The following ARL6IP6 variants were observed in gnomAD, a reference collection of about 807,000 sequenced individuals.
ARL6IP6 encodes the protein ADP-ribosylation factor-like protein 6-interacting protein 6.
ARL6IP6 carries 22 observed loss-of-function variants against 21.5 expected under a neutral mutation model. The ratio of observed to expected loss-of-function variants is 1.02; its 90% CI spans 0.73 to 1.46. The LOEUF is 1.46. Among genes scored for constraint, ARL6IP6 ranks in the 40% most tolerant of loss-of-function variants. ARL6IP6 has a pLI of 0.00. For missense variants in ARL6IP6, 388 were observed against 299.8 expected, an observed-to-expected ratio of 1.29 and a Z score of -2.17; for synonymous variants, 164 against 125.3, an observed-to-expected ratio of 1.31 and a Z score of -2.06.
chr2:152,733,882 C>T (rs1465181222), intron 2 of ARL6IP6, among the ~76,000 whole-genome samples: 1 of 152,176 alleles, frequency 6.6e-6, no homozygotes, highest in African/African-American at 2.4e-5. Flanking sequence ...TTTTGCTCAT[C>T]CCTATATCCC....
intron 1 of ARL6IP6, 151 bp from the exon 2 acceptor site, chr2:152,720,382 T>A (rs184298581): frequency 5.6e-6 from 4 of 713,478 alleles, no homozygotes; most frequent in African/African-American, 3.5e-5. Flanking sequence ...TTGCTGAAGG[T>A]CACATAGCTG....
At chr2:152,732,582 T>C (rs1248050480) in intron 2 of ARL6IP6, 2 of 450,392 alleles carry the variant, frequency 4.4e-6, no homozygotes, top group Admixed American at 5.2e-5. Context: ...GTTGCAAAGG[T>C]ATGTTTTATT....
chr2:152,756,146 G>T (rs1701583360), intron 3 of ARL6IP6, among the ~76,000 whole-genome samples: 1 of 152,044 alleles, frequency 6.6e-6, no homozygotes, highest in African/African-American at 2.4e-5. Flanking sequence ...CTAAGAATCT[G>T]TTGCTTAATT....
At chr2:152,743,948 T>G in intron 3 of ARL6IP6, among the ~76,000 whole-genome samples, 1 of 152,132 alleles carries the variant, frequency 6.6e-6, no homozygotes, top group East Asian at 1.9e-4. Context: ...ATTGTAGTTT[T>G]TGGAGCATGT....
intron 3 of ARL6IP6, among the ~76,000 whole-genome samples, chr2:152,753,138 C>CA (rs557672257): frequency 1.2e-4 from 18 of 146,378 alleles, no homozygotes; most frequent in African/African-American, 1.3e-4. Context: ...GACCCTGTCT[C>CA]AAAAAAAAAA....
chr2:152,748,389 T>C (rs188046035), intron 3 of ARL6IP6, among the ~76,000 whole-genome samples: 1 of 152,244 alleles, frequency 6.6e-6, no homozygotes, highest in Non-Finnish European at 1.5e-5. Flanking sequence ...TTGTTTTGTT[T>C]TGTTTTCCAA....
chr2:152,753,821 C>T (rs1255894237), intron 3 of ARL6IP6, among the ~76,000 whole-genome samples: 1 of 151,368 alleles, frequency 6.6e-6, no homozygotes, highest in Admixed American at 6.6e-5. Context: ...CTCAGCCTCA[C>T]GAGTAGCTGG....
At chr2:152,720,480 C>G (rs1699733368) in intron 1 of ARL6IP6, 53 bp from the exon 2 acceptor site, 1 of 1,565,450 alleles carries the variant, frequency 6.4e-7, no homozygotes, top group East Asian at 2.2e-5. Context: ...CCTTGAGTTA[C>G]TTTTCAAATT....
chr2:152,736,850 G>A (rs1414709170), intron 3 of ARL6IP6, among the ~76,000 whole-genome samples: 8 of 152,156 alleles, frequency 5.3e-5, no homozygotes, highest in Non-Finnish European at 1.2e-4. Context: ...TTAAAGTATA[G>A]GGGAGGATGT....
chr2:152,755,524 A>G (rs534581302), intron 3 of ARL6IP6, among the ~76,000 whole-genome samples: 1 of 152,276 alleles, frequency 6.6e-6, no homozygotes, highest in East Asian at 1.9e-4. Flanking sequence ...TGAAAGTACT[A>G]AAAGTCTCTG....
chr2:152,719,808 A>G (rs1663511770), intron 1 of ARL6IP6: 1 of 389,516 alleles, frequency 2.6e-6, no homozygotes, highest in African/African-American at 2.2e-5. Flanking sequence ...AGCACCCAAA[A>G]CATTGTCACT....
At chr2:152,759,124 G>C (rs1701716735) in intron 3 of ARL6IP6, among the ~76,000 whole-genome samples, 1 of 152,184 alleles carries the variant, frequency 6.6e-6, no homozygotes, top group African/African-American at 2.4e-5. Context: ...ACAAATGTCA[G>C]GGAATATTCA....
intron 3 of ARL6IP6, among the ~76,000 whole-genome samples, chr2:152,757,653 A>G (rs528290815): frequency 2.6e-5 from 4 of 152,324 alleles, no homozygotes; most frequent in South Asian, 2.1e-4. Context: ...GAGGAAAATC[A>G]TGGTGAATAT....
intron 3 of ARL6IP6, among the ~76,000 whole-genome samples, chr2:152,755,801 T>C (rs1388259756): frequency 6.6e-6 from 1 of 152,142 alleles, no homozygotes; most frequent in African/African-American, 2.4e-5. Context: ...TTTTATCTCT[T>C]TGTCTTGTGT....
intron 2 of ARL6IP6, among the ~76,000 whole-genome samples, chr2:152,726,994 G>T (rs540564941): frequency 6.6e-6 from 1 of 152,078 alleles, no homozygotes; most frequent in Non-Finnish European, 1.5e-5. Context: ...TATTTACTAT[G>T]CTTCTTATTG....
At position 152,760,255 on chromosome 2, in the gene ARL6IP6, C is replaced by A. The variant is rs1701774707; in HGVS notation, c.*415C>A. 1 of 153,372 alleles carries A rather than the reference C, an allele frequency of 6.5e-6. No homozygotes were observed. The highest frequency in any genetic ancestry group is 6.5e-5 in the Admixed American group (1 of 15,360). The allele number at this position is 153,372 out of a possible 1,614,324, so 9.5% of individuals were successfully genotyped here. ...TTTCTGTTTAGTTGAGCTAGAAATA[C>A]TTCTTATTTATACATTTAGGAAAGC... On this transcript the variant is annotated 3_prime_UTR_variant, in exon 4 of 4. Transcript: ENST00000326446.
At chr2:152,753,910 C>G (rs1046076781) in intron 3 of ARL6IP6, among the ~76,000 whole-genome samples, 1 of 152,000 alleles carries the variant, frequency 6.6e-6, no homozygotes, top group Non-Finnish European at 1.5e-5. Context: ...ACCATGTTAG[C>G]CAAGATGGTC....
At chr2:152,725,223 G>A (rs6434172) in intron 2 of ARL6IP6, among the ~76,000 whole-genome samples, 21,960 of 152,092 alleles carry the variant, frequency 0.14, 1,738 homozygotes, top group Middle Eastern at 0.24. Flanking sequence ...TTTGAAATAC[G>A]TTTTGGGATT....
intron 3 of ARL6IP6, among the ~76,000 whole-genome samples, chr2:152,738,204 C>G (rs995767262): frequency 6.6e-5 from 10 of 152,226 alleles, no homozygotes; most frequent in African/African-American, 2.4e-4. Flanking sequence ...AGGTGGGTTT[C>G]CATGATGTTG....
Sources: gnomAD v4.1 joint callset for allele counts (sites outside exome capture counted in the v4.1 genomes callset) on GRCh38, gnomAD v4.1.1 for gene constraint, MANE v1.5 for transcripts, NCBI Gene and HGNC (gene_info 2026-07-23, HGNC 2026-07-21) for gene names.